The following METTL15 variants were observed in gnomAD, a reference collection of about 807,000 sequenced individuals.
The protein encoded by METTL15 is 12S rRNA N(4)-cytidine methyltransferase METTL15.
A neutral mutation model predicts 38.3 loss-of-function variants in METTL15; 34 were observed. The observed-to-expected ratio is 0.89, with a 90% confidence interval of 0.68 to 1.18. The LOEUF is 1.18. Ranked by LOEUF, METTL15 falls within the 50% of genes most tolerant of loss-of-function variation. METTL15 has a pLI of 0.00. For missense variants in METTL15, 438 were observed against 498.4 expected, an observed-to-expected ratio of 0.88 and a Z score of 1.15; for synonymous variants, 162 against 170.9, an observed-to-expected ratio of 0.95 and a Z score of 0.41.
intron 5 of METTL15, among the ~76,000 whole-genome samples, chr11:28,383,623 C>T (rs1850410877): frequency 6.6e-6 from 1 of 152,070 alleles, no homozygotes; most frequent in Non-Finnish European, 1.5e-5. Context: ...ATCTCACCAG[C>T]ATCTGTTATT....
chr11:28,219,178 CTG>C (rs1303567537), intron 4 of METTL15, among the ~76,000 whole-genome samples: 1 of 152,132 alleles, frequency 6.6e-6, no homozygotes, highest in African/African-American at 2.4e-5. Context: ...GGCTGTGAGT[CTG>C]TCTGGTCCTG....
intron 3 of METTL15, chr11:28,163,531 C>G: frequency 4.5e-6 from 1 of 223,986 alleles, no homozygotes. Flanking sequence ...TCTTACTGAT[C>G]TCTCTCTCTC....
At chr11:28,267,065 CA>C (rs1470618407) in intron 4 of METTL15, among the ~76,000 whole-genome samples, 2 of 146,420 alleles carry the variant, frequency 1.4e-5, no homozygotes, top group East Asian at 2.0e-4. Flanking sequence ...GAGGCTGACA[CA>C]GGAAAATCGC....
chr11:28,377,793 T>A (rs1168696817), intron 5 of METTL15, among the ~76,000 whole-genome samples: 11 of 135,246 alleles, frequency 8.1e-5, no homozygotes, highest in Non-Finnish European at 1.7e-5. Context: ...TGTGGTTTTA[T>A]CCACTTTTGG....
At chr11:28,530,058 G>A (rs1851835901), downstream of METTL15, among the ~76,000 whole-genome samples, 1 of 152,078 alleles carries the variant, frequency 6.6e-6, no homozygotes, top group South Asian at 2.1e-4. Flanking sequence ...GAACTCAAAT[G>A]TCTAAGGGGA....
intron 5 of METTL15, among the ~76,000 whole-genome samples, chr11:28,391,781 G>T (rs901957602): frequency 2.6e-5 from 4 of 152,146 alleles, no homozygotes; most frequent in East Asian, 1.9e-4. Flanking sequence ...GCTGAAACTG[G>T]ATCCCTTCCT....
intron 3 of METTL15, among the ~76,000 whole-genome samples, chr11:28,209,686 T>C (rs1031176710): frequency 6.6e-6 from 1 of 151,972 alleles, no homozygotes; most frequent in Non-Finnish European, 1.5e-5. Context: ...CTAACTTTTA[T>C]GAGGACTTGA....
chr11:28,495,830 T>C (rs1204710086), intron 6 of METTL15, among the ~76,000 whole-genome samples: 1 of 151,516 alleles, frequency 6.6e-6, no homozygotes, highest in Non-Finnish European at 1.5e-5. Flanking sequence ...GAGACTATGC[T>C]GGAAAGCTCA....
At chr11:28,410,031 T>C (rs1850711320) in intron 5 of METTL15, among the ~76,000 whole-genome samples, 1 of 151,966 alleles carries the variant, frequency 6.6e-6, no homozygotes, top group Admixed American at 6.6e-5. Context: ...ATGGATAAAT[T>C]CCTTAAAAAT....
chr11:28,432,508 GCT>G (rs1197140151), intron 6 of METTL15, among the ~76,000 whole-genome samples: 1 of 152,214 alleles, frequency 6.6e-6, no homozygotes, highest in African/African-American at 2.4e-5. Flanking sequence ...AGGGGCGAAT[GCT>G]CTCTTTCAGT....
At chr11:28,289,896 A>G (rs1382678162) in intron 4 of METTL15, among the ~76,000 whole-genome samples, 1 of 152,140 alleles carries the variant, frequency 6.6e-6, no homozygotes, top group Non-Finnish European at 1.5e-5. Context: ...AGAAATTTTT[A>G]AGAAAATATG....
intron 6 of METTL15, among the ~76,000 whole-genome samples, chr11:28,315,496 G>A (rs904011890): frequency 2.0e-5 from 3 of 152,178 alleles, no homozygotes; most frequent in Non-Finnish European, 4.4e-5. Context: ...GAGAAGCAGA[G>A]CATAAAAGTT....
intron 6 of METTL15, among the ~76,000 whole-genome samples, chr11:28,448,489 G>T (rs1851092909): frequency 6.6e-6 from 1 of 152,156 alleles, no homozygotes; most frequent in South Asian, 2.1e-4. Context: ...ATGAGAGATT[G>T]CTATGTTTGG....
intron 4 of METTL15, among the ~76,000 whole-genome samples, chr11:28,244,802 G>C (rs907368878): frequency 2.6e-5 from 4 of 152,184 alleles, no homozygotes; most frequent in African/African-American, 9.7e-5. Context: ...TGGGCTGGGG[G>C]TACTAGAGCT....
At chr11:28,384,567 C>A (rs2133387703) in intron 5 of METTL15, among the ~76,000 whole-genome samples, 1 of 152,228 alleles carries the variant, frequency 6.6e-6, no homozygotes, top group Admixed American at 6.5e-5. Context: ...GCCTTGGCCT[C>A]CCAACGTGCT....
At chr11:28,115,350 C>T (rs1851894729) in intron 3 of METTL15, among the ~76,000 whole-genome samples, 1 of 151,836 alleles carries the variant, frequency 6.6e-6, no homozygotes, top group Admixed American at 6.6e-5. Context: ...CCTCTGCTTC[C>T]CGGGTTCAAT....
chr11:28,167,939 T>C (rs991617628), intron 3 of METTL15, among the ~76,000 whole-genome samples: 18 of 152,278 alleles, frequency 1.2e-4, no homozygotes, highest in African/African-American at 3.8e-4. Flanking sequence ...ATTGATTTTA[T>C]AAAACCTTTT....
intron 6 of METTL15, among the ~76,000 whole-genome samples, chr11:28,454,944 G>C (rs1473688762): frequency 6.6e-6 from 1 of 152,150 alleles, no homozygotes; most frequent in African/African-American, 2.4e-5. Context: ...TCCCTTGCAA[G>C]GTAACTCTCA....
chr11:28,278,791 CTTTG>C (rs1428035560), intron 4 of METTL15, among the ~76,000 whole-genome samples: 3 of 152,024 alleles, frequency 2.0e-5, no homozygotes, highest in Admixed American at 2.0e-4. Context: ...ATATTCATTA[CTTTG>C]TTGTTTTATC....
Sources: allele counts gnomAD v4.1 joint callset (sites outside exome capture counted in the v4.1 genomes callset), GRCh38; gene constraint gnomAD v4.1.1; transcripts MANE v1.5; gene names NCBI Gene and HGNC (gene_info 2026-07-23, HGNC 2026-07-21).